Variants in HPSE2 observed in about 807,000 individuals in gnomAD.
HPSE2 encodes the protein heparanase 2 (inactive), also known as inactive heparanase-2.
In HPSE2, 38 loss-of-function variants were observed where a neutral mutation model predicts 60.5. The observed-to-expected ratio is 0.63, with a 90% confidence interval of 0.48 to 0.82. HPSE2 has a LOEUF of 0.82. Ranked by LOEUF, HPSE2 falls within the 40% of genes least tolerant of loss-of-function variation. The pLI is 0.00. For synonymous variants in HPSE2, 295 were observed against 293.2 expected (o/e 1.01, Z -0.06); for missense variants, 713 against 740.4 (o/e 0.96, Z 0.43).
chr10:98,655,183 G>C (rs1036736491), intron 6 of HPSE2, among the ~76,000 whole-genome samples: 4 of 152,000 alleles, frequency 2.6e-5, no homozygotes, highest in East Asian at 3.9e-4. Flanking sequence ...GGGGGCTAGA[G>C]TGTGGGGAAT....
intron 9 of HPSE2, among the ~76,000 whole-genome samples, chr10:98,608,465 T>A (rs1187650782): frequency 6.6e-6 from 1 of 152,166 alleles, no homozygotes; most frequent in Admixed American, 6.5e-5. Context: ...CAGAGGAACG[T>A]CTACGTGAAA....
At chr10:98,568,592 C>T (rs1944410917) in intron 9 of HPSE2, among the ~76,000 whole-genome samples, 1 of 152,208 alleles carries the variant, frequency 6.6e-6, no homozygotes, top group Non-Finnish European at 1.5e-5. Flanking sequence ...GAAGTGTGGC[C>T]TTGTTATCTT....
chr10:98,459,539 G>C lies in HPSE2; in HGVS notation c.*35C>G. On this transcript the variant is annotated 3_prime_UTR_variant, in exon 12 of 12. Coordinates refer to ENST00000370552, the MANE Select transcript of HPSE2 (RefSeq NM_021828.5). ...GGAGTGGAGGAGTGGAAGCAGCCCA[G>C]CAGGCCCACTGGTAGCCGTGAGTGT... 2 of 1,611,496 alleles carry C rather than the reference G, an allele frequency of 1.2e-6. No individual in the cohort carries two copies. Among genetic ancestry groups the C allele is most frequent in the Non-Finnish European group, 8.5e-7 (1 of 1,177,648 alleles).
intron 3 of HPSE2, among the ~76,000 whole-genome samples, chr10:98,830,209 T>G (rs1364995615): frequency 1.3e-5 from 2 of 152,202 alleles, no homozygotes; most frequent in Non-Finnish European, 2.9e-5. Context: ...ATGAGGCATA[T>G]GCAGTCCCTG....
intron 3 of HPSE2, among the ~76,000 whole-genome samples, chr10:98,764,036 A>C (rs1950065166): frequency 6.6e-6 from 1 of 152,156 alleles, no homozygotes. Flanking sequence ...GTAATACATC[A>C]AACAACTATC....
In HPSE2 at chr10:98,797,255, G is replaced by T. The variant is rs112659459; in HGVS notation, c.611-53199C>A. On this transcript the variant is annotated intron_variant, in intron 3 of 11. Transcript: ENST00000370552. ...AGAAATTCAAGGTAACACAGAGAAAGAATTCAGAATTTTATCAGATAAATT... is the reference window on the plus strand; with the variant it reads ...AGAAATTCAAGGTAACACAGAGAAATAATTCAGAATTTTATCAGATAAATT... 8.1e-3 allele frequency among the ~76,000 whole-genome samples: 1,236 copies of T among 152,184 alleles called. 23 individuals are homozygous for T. Among genetic ancestry groups the T allele is most frequent in the African/African-American group, 0.028 (1,182 of 41,536 alleles).
chr10:98,987,679 A>C (rs1299597895), intron 3 of HPSE2, among the ~76,000 whole-genome samples: 1 of 152,188 alleles, frequency 6.6e-6, no homozygotes, highest in Non-Finnish European at 1.5e-5. Context: ...AAGGGTATTC[A>C]ATTAGGAAAA....
rs555185470 is a variant in HPSE2, at chr10:98,751,462, T to A, written c.611-7406A>T. Among the ~76,000 whole-genome samples the A allele has an allele frequency of 3.3e-5, 5 of 152,338 alleles. No individual in the cohort carries two copies. In the South Asian group the frequency reaches 6.2e-4, roughly 19 times the overall value. On this transcript the variant is annotated intron_variant, in intron 3 of 11. Coordinates refer to ENST00000370552, the MANE Select transcript of HPSE2 (RefSeq NM_021828.5). ...TCTTAATTGGCAAAAATAACTCTAATACCCCTTTGTGACTATTTTATTCTT... is the reference window on the plus strand; with the variant it reads ...TCTTAATTGGCAAAAATAACTCTAAAACCCCTTTGTGACTATTTTATTCTT...
At chr10:98,521,920 G>A (rs1942806547) in intron 9 of HPSE2, among the ~76,000 whole-genome samples, 1 of 152,142 alleles carries the variant, frequency 6.6e-6, no homozygotes, top group Non-Finnish European at 1.5e-5. Context: ...ACTCATAGGT[G>A]GGAATTGAAC....
chr10:99,082,482 G>A (rs1170866594), intron 3 of HPSE2, among the ~76,000 whole-genome samples: 1 of 152,142 alleles, frequency 6.6e-6, no homozygotes, highest in Non-Finnish European at 1.5e-5. Flanking sequence ...TTTCTTAGAA[G>A]TTCATGGCTA....
In HPSE2 at chr10:99,235,557, C is replaced by G. The variant is rs1050805674; in HGVS notation, c.246G>C (p.Gln82His). The change falls in exon 1 of 12, where the codon CAG becomes CAC. Residue 82 changes from glutamine to histidine, a missense_variant. Coordinates refer to ENST00000370552, the MANE Select transcript of HPSE2 (RefSeq NM_021828.5). ...CATCATGAATGATGGACGGATCCAG[C>G]TGCAGAGAGAGGAAGTTCTCATTGA... Reference protein sequence around the residue: ...RTVNENFLSLQLDPSIIHDGW... With the variant: ...RTVNENFLSLHLDPSIIHDGW... 1.9e-6 allele frequency: 3 copies of G among 1,613,970 alleles called. No homozygotes were observed. Among genetic ancestry groups the G allele is most frequent in the Non-Finnish European group, 2.5e-6 (3 of 1,180,024 alleles).
rs35488447 is a variant in HPSE2, at chr10:99,129,809, CA to C, written c.610+14428del. 3.3e-3 allele frequency among the ~76,000 whole-genome samples: 441 copies of C among 132,484 alleles called. 3 individuals carry two copies. Among genetic ancestry groups the C allele is most frequent in the South Asian group, 0.022 (94 of 4,314 alleles). 86.9% of individuals were successfully genotyped at this position (132,484 alleles called of 152,430 possible). On this transcript the variant is annotated intron_variant, in intron 3 of 11. Coordinates refer to ENST00000370552, the MANE Select transcript of HPSE2 (RefSeq NM_021828.5). ...GAGAAGAATTACATGAAATTGAAAC[CA>C]AAAAAAAAAAAAGATAAAAGAAACA...
intron 9 of HPSE2, among the ~76,000 whole-genome samples, chr10:98,541,970 T>C (rs1408639490): frequency 5.6e-3 from 784 of 140,578 alleles, no homozygotes; most frequent in Non-Finnish European, 8.1e-3. Flanking sequence ...AGAGCAGTGG[T>C]TCTCCCAGCA....
At chr10:99,230,784 C>T (rs1849618168) in intron 2 of HPSE2, among the ~76,000 whole-genome samples, 1 of 152,064 alleles carries the variant, frequency 6.6e-6, no homozygotes, top group Non-Finnish European at 1.5e-5. Context: ...CAAGTTTTCC[C>T]ACAAACTAAA....
At chr10:98,574,269 GCA>G (rs1383658551) in intron 9 of HPSE2, among the ~76,000 whole-genome samples, 3 of 151,856 alleles carry the variant, frequency 2.0e-5, no homozygotes, top group Non-Finnish European at 4.4e-5. Flanking sequence ...GATTACTGCA[GCA>G]TTAAAAAACG....
rs150456123 is a variant in HPSE2, at chr10:98,505,740, G to A, written c.1321-15544C>T. Among the ~76,000 whole-genome samples the A allele has an allele frequency of 4.0e-4, 61 of 152,112 alleles. No homozygotes were observed. The East Asian group carries it at 0.01, about 25-fold the overall frequency. The stretch of plus-strand genomic sequence containing the variant: ...TAGGTATATAATTTCATATTTTTCC[G>A]TATGGATAGTCCAATTATACCAGCA... On this transcript the variant is annotated intron_variant, in intron 9 of 11. Transcript: ENST00000370552.
At chr10:98,830,327 A>G (rs899645034) in intron 3 of HPSE2, among the ~76,000 whole-genome samples, 1 of 152,178 alleles carries the variant, frequency 6.6e-6, no homozygotes, top group African/African-American at 2.4e-5. Context: ...TAGGGAGAGG[A>G]GGAAGAAGAG....
At chr10:99,283,506 C>CA in the HPSE2 span, among the ~76,000 whole-genome samples, 127,297 of 149,968 alleles carry the variant, frequency 0.85, 54,311 homozygotes, top group African/African-American at 0.9. Context: ...CACAAAAAAT[C>CA]AAAAAAAAGA....
At position 99,037,054 on chromosome 10, in the gene HPSE2, A is replaced by G. The variant is rs752009431; in HGVS notation, c.610+107184T>C. Among the ~76,000 whole-genome samples the G allele has an allele frequency of 7.9e-5, 12 of 152,324 alleles. No individual in the cohort carries two copies. In the South Asian group the frequency reaches 1.7e-3, roughly 21 times the overall value. On this transcript the variant is annotated intron_variant, in intron 3 of 11. Coordinates refer to ENST00000370552, the MANE Select transcript of HPSE2 (RefSeq NM_021828.5). Reference sequence around the variant, plus strand: ...AATGATGTAAAGAGAAAGGCACATCATATCTGTGGTAAACTTCCCAAAAAT... The same window carrying G: ...AATGATGTAAAGAGAAAGGCACATCGTATCTGTGGTAAACTTCCCAAAAAT...
Sources: gnomAD v4.1 joint callset for allele counts (sites outside exome capture counted in the v4.1 genomes callset) on GRCh38, gnomAD v4.1.1 for gene constraint, MANE v1.5 for transcripts, NCBI Gene and HGNC (gene_info 2026-07-23, HGNC 2026-07-21) for gene names.